Variants in SIPA1L3 observed in about 807,000 individuals in gnomAD.
SIPA1L3 encodes the protein signal induced proliferation associated 1 like 3.
Under a neutral mutation model 150.1 loss-of-function variants are expected in SIPA1L3, and 59 were observed. That is an observed-to-expected ratio of 0.39 (90% confidence interval 0.32 to 0.49). The LOEUF (loss-of-function observed/expected upper bound fraction) is 0.49, where lower values mean the gene tolerates loss of function less well. Among genes scored for constraint, SIPA1L3 ranks in the 20% least tolerant of loss-of-function variants. The pLI is 0.86. For missense variants in SIPA1L3, 2,211 were observed against 2,489.5 expected (o/e 0.89, Z 2.38); for synonymous variants, 1,070 against 1,077.6 (o/e 0.99, Z 0.14).
intron 2 of SIPA1L3, among the ~76,000 whole-genome samples, chr19:38,056,208 C>A (rs1969310393): frequency 6.6e-6 from 1 of 152,254 alleles, no homozygotes; most frequent in South Asian, 2.1e-4. Flanking sequence ...ACCAGCACCA[C>A]CCTCCTTCTG....
intron 1 of SIPA1L3, among the ~76,000 whole-genome samples, chr19:38,004,955 A>G (rs774670331): frequency 2.0e-5 from 3 of 152,188 alleles, no homozygotes; most frequent in Non-Finnish European, 4.4e-5. Context: ...GTTTCAGTAC[A>G]GGCCCCCAGA....
intron 1 of SIPA1L3, chr19:37,932,678 C>T (rs546229791): frequency 6.6e-6 from 1 of 152,232 alleles, no homozygotes; most frequent in Non-Finnish European, 1.5e-5. Flanking sequence ...GAGCCGTGTT[C>T]GGGGAGTCTT....
intron 9 of SIPA1L3, among the ~76,000 whole-genome samples, chr19:38,124,138 G>A (rs1475611240): frequency 6.7e-5 from 10 of 150,350 alleles, no homozygotes; most frequent in South Asian, 2.1e-4. Context: ...GGTGGCTGCC[G>A]GGCGGAGACG....
chr19:38,113,440 C>A (rs1350390015), intron 8 of SIPA1L3, among the ~76,000 whole-genome samples: 5 of 152,074 alleles, frequency 3.3e-5, no homozygotes, highest in Non-Finnish European at 7.4e-5. Flanking sequence ...TCAGCCTGGA[C>A]AACATAGGGA....
intron 1 of SIPA1L3, among the ~76,000 whole-genome samples, chr19:37,937,945 G>A (rs2046616593): frequency 6.6e-6 from 1 of 151,732 alleles, no homozygotes; most frequent in African/African-American, 2.4e-5. Context: ...TACTGAGGAG[G>A]CTGAGGCAGG....
chr19:38,005,478 T>A (rs1599892509), intron 1 of SIPA1L3, among the ~76,000 whole-genome samples: 1 of 152,054 alleles, frequency 6.6e-6, no homozygotes, highest in African/African-American at 2.4e-5. Context: ...TGCTGCCCAC[T>A]ACCCCTGCCC....
At chr19:38,017,228 C>T (rs1209977916) in intron 1 of SIPA1L3, among the ~76,000 whole-genome samples, 2 of 152,052 alleles carry the variant, frequency 1.3e-5, no homozygotes, top group African/African-American at 2.4e-5. Flanking sequence ...AAAAATAGGC[C>T]CTTCAAAGAA....
intron 19 of SIPA1L3, among the ~76,000 whole-genome samples, chr19:38,198,803 C>T (rs1227490965): frequency 1.3e-5 from 2 of 152,220 alleles, no homozygotes; most frequent in Non-Finnish European, 2.9e-5. Context: ...GTGTAAAACA[C>T]GTGAGGCCAA....
At chr19:38,037,908 T>C (rs1260324014) in intron 2 of SIPA1L3, among the ~76,000 whole-genome samples, 1 of 152,086 alleles carries the variant, frequency 6.6e-6, no homozygotes. Flanking sequence ...AACAATAGCC[T>C]GGGGGACTGT....
chr19:38,092,392 A>G (rs558935504), intron 4 of SIPA1L3, among the ~76,000 whole-genome samples: 1 of 151,982 alleles, frequency 6.6e-6, no homozygotes, highest in Non-Finnish European at 1.5e-5. Context: ...AACCCAGACT[A>G]TGTCACACAT....
rs764565234 is a variant in SIPA1L3, at chr19:38,081,782, G to T, written c.217G>T (p.Ala73Ser). The T allele has an allele frequency of 4.7e-6, 7 of 1,504,238 alleles. No individual in the cohort carries two copies. Among genetic ancestry groups the T allele is most frequent in the South Asian group, 3.4e-5 (3 of 89,446 alleles). 93.2% of individuals were successfully genotyped at this position (1,504,238 alleles called of 1,614,324 possible). A position where few individuals can be genotyped will look rare whatever the true frequency, so the allele number is the denominator to read the frequency against. Reference protein sequence around the residue: ...ATTRPSPTTPAMPKMGVRARV... With the variant: ...ATTRPSPTTPSMPKMGVRARV... Reference sequence around the variant, plus strand: ...CACCCGCCCCAGCCCCACCACTCCCGCAATGCCCAAGATGGGCGTGCGCGC... The same window carrying T: ...CACCCGCCCCAGCCCCACCACTCCCTCAATGCCCAAGATGGGCGTGCGCGC... The change falls in exon 3 of 22, where the codon GCA (alanine) becomes TCA (serine). Residue 73 changes from alanine (A) to serine (S), a missense_variant. Transcript: ENST00000222345.
At chr19:38,033,878 G>A (rs377424851) in intron 2 of SIPA1L3, among the ~76,000 whole-genome samples, 1 of 152,116 alleles carries the variant, frequency 6.6e-6, no homozygotes, top group Non-Finnish European at 1.5e-5. Context: ...ATGGGTGTGC[G>A]CCTTGAGCCA....
intron 1 of SIPA1L3, among the ~76,000 whole-genome samples, chr19:38,021,969 A>G (rs1332219900): frequency 2.0e-5 from 3 of 152,080 alleles, no homozygotes; most frequent in African/African-American, 7.2e-5. Flanking sequence ...ACATGTTCAT[A>G]TTTTTCCTTT....
At chr19:38,001,717 C>T (rs886868662) in intron 1 of SIPA1L3, among the ~76,000 whole-genome samples, 13 of 152,324 alleles carry the variant, frequency 8.5e-5, no homozygotes, top group Non-Finnish European at 1.3e-4. Context: ...CATGAGCCAC[C>T]GTGCCTGGCC....
At chr19:37,971,140 G>A (rs1191943470) in intron 1 of SIPA1L3, among the ~76,000 whole-genome samples, 1 of 151,256 alleles carries the variant, frequency 6.6e-6, no homozygotes, top group South Asian at 2.1e-4. Context: ...TTTTTTGTTT[G>A]TTTGTTTGTT....
chr19:38,189,739 C>G (rs1008575768), intron 16 of SIPA1L3, among the ~76,000 whole-genome samples: 1 of 152,082 alleles, frequency 6.6e-6, no homozygotes, highest in Non-Finnish European at 1.5e-5. Context: ...GGGCTCCAGT[C>G]TGGGCAACAG....
intron 13 of SIPA1L3, 29 bp from the exon 14 acceptor site, chr19:38,162,224 C>T: frequency 5.7e-6 from 9 of 1,573,200 alleles, no homozygotes; most frequent in Non-Finnish European, 7.9e-6. Flanking sequence ...TCACTCCTAA[C>T]CACTGGTGTG....
At chr19:37,941,941 A>G (rs2046662801) in intron 1 of SIPA1L3, among the ~76,000 whole-genome samples, 1 of 152,204 alleles carries the variant, frequency 6.6e-6, no homozygotes, top group African/African-American at 2.4e-5. Flanking sequence ...AATTCTTGAG[A>G]GCAGTAGCAC....
intron 2 of SIPA1L3, among the ~76,000 whole-genome samples, chr19:38,050,801 G>A (rs1433034400): frequency 6.6e-6 from 1 of 152,152 alleles, no homozygotes; most frequent in African/African-American, 2.4e-5. Flanking sequence ...GCTCATGCTT[G>A]TAATCTCAGC....
Sources: gnomAD v4.1 joint callset for allele counts (sites outside exome capture counted in the v4.1 genomes callset) on GRCh38, gnomAD v4.1.1 for gene constraint, MANE v1.5 for transcripts, NCBI Gene and HGNC (gene_info 2026-07-23, HGNC 2026-07-21) for gene names.